The following GALNT10 variants were observed in gnomAD, a reference collection of about 807,000 sequenced individuals.
GALNT10 encodes the protein polypeptide N-acetylgalactosaminyltransferase 10, also known as GalNAc transferase 10.
Under a neutral mutation model 75.0 loss-of-function variants are expected in GALNT10, and 41 were observed. That is an observed-to-expected ratio of 0.55 (90% confidence interval 0.43 to 0.71). The LOEUF is 0.71. Among genes scored for constraint, GALNT10 ranks in the 30% least tolerant of loss-of-function variants. The pLI, the probability that GALNT10 is intolerant of heterozygous loss-of-function variation, is 0.00. For missense variants in GALNT10, 727 were observed against 818.5 expected (o/e 0.89, Z 1.36); for synonymous variants, 302 against 313.0 (o/e 0.96, Z 0.37).
At chr5:154,351,795 A>ATAAAGTCTCAGTT (rs1755207107) in intron 4 of GALNT10, among the ~76,000 whole-genome samples, 1 of 152,220 alleles carries the variant, frequency 6.6e-6, no homozygotes, top group South Asian at 2.1e-4. Flanking sequence ...TGAGACTTTA[A>ATAAAGTCTCAGTT]TAAAGGAAAA....
intron 3 of GALNT10, among the ~76,000 whole-genome samples, chr5:154,309,722 G>C (rs1218978787): frequency 6.6e-6 from 1 of 152,204 alleles, no homozygotes; most frequent in East Asian, 1.9e-4. Flanking sequence ...TGCAGGAATG[G>C]AGATGACTTT....
rs978831362 is a variant in GALNT10, at chr5:154,294,803, G to A, written c.160-13G>A. 72 of 1,421,774 alleles carry A rather than the reference G, an allele frequency of 5.1e-5. No homozygotes were observed. Among genetic ancestry groups the A allele is most frequent in the Non-Finnish European group, 7.0e-5 (70 of 1,005,904 alleles). 88.1% of individuals were successfully genotyped at this position (1,421,774 alleles called of 1,614,324 possible). ...CCCTTTTCTATTTTTCATAGTTTTT[G>A]TCTTTTTTTAAGGGCTCACACAGTC... On this transcript the variant is annotated splice_polypyrimidine_tract_variant and intron_variant, in intron 1 of 11. Coordinates refer to ENST00000297107, the MANE Select transcript of GALNT10 (RefSeq NM_198321.4).
chr5:154,203,237 T>G (rs1476338001), intron 1 of GALNT10, among the ~76,000 whole-genome samples: 3 of 152,168 alleles, frequency 2.0e-5, no homozygotes, highest in African/African-American at 7.2e-5. Context: ...TGTGTGTTTC[T>G]CTGTCTCTCC....
intron 7 of GALNT10, among the ~76,000 whole-genome samples, chr5:154,391,547 C>T (rs1215584844): frequency 6.6e-6 from 1 of 152,240 alleles, no homozygotes; most frequent in African/African-American, 2.4e-5. Flanking sequence ...AAGTCTTTAA[C>T]TCCATAGCCT....
rs775525831 is a variant in GALNT10 at position 154,416,996 on chromosome 5, C to A, written c.*24C>A. On this transcript the variant is annotated 3_prime_UTR_variant, in exon 12 of 12. Transcript: ENST00000297107. The surrounding 1 kb of genome is among the most constrained non-coding windows in gnomAD (Gnocchi z 4.5). ...GAGCCCTCATGTCCCCTTGGCAGGC[C>A]CCCCAGGGTCTGGCACTCACTGCAG... 7 of 1,610,750 alleles carry A rather than the reference C, an allele frequency of 4.3e-6. No homozygotes were observed. The African/African-American group carries it at 9.3e-5, about 22-fold the overall frequency.
At chr5:154,281,107 A>C (rs571960964) in intron 1 of GALNT10, among the ~76,000 whole-genome samples, 2 of 152,294 alleles carry the variant, frequency 1.3e-5, no homozygotes, top group South Asian at 4.1e-4. Context: ...TCTGTTGAAT[A>C]TCAGTTTCTA....
At chr5:154,373,270 T>A (rs1755602518) in intron 4 of GALNT10, among the ~76,000 whole-genome samples, 1 of 152,218 alleles carries the variant, frequency 6.6e-6, no homozygotes. Context: ...TGAGCTAGGT[T>A]ATAATCATGC....
chr5:154,390,136 T>C (rs1755870102), intron 7 of GALNT10, among the ~76,000 whole-genome samples: 1 of 152,202 alleles, frequency 6.6e-6, no homozygotes, highest in South Asian at 2.1e-4. Flanking sequence ...TGAAACAAAG[T>C]GGCAAATGTA....
chr5:154,371,324 T>C (rs1203422899), intron 4 of GALNT10, among the ~76,000 whole-genome samples: 1 of 152,132 alleles, frequency 6.6e-6, no homozygotes, highest in East Asian at 1.9e-4. Context: ...AAGACCCTGT[T>C]TCCAAATAAA....
At chr5:154,198,997 G>A (rs531013917) in intron 1 of GALNT10, among the ~76,000 whole-genome samples, 209 of 152,318 alleles carry the variant, frequency 1.4e-3, no homozygotes, top group African/African-American at 4.8e-3. Context: ...CAGACTGTCT[G>A]CTTCCTAAAG....
At chr5:154,229,018 A>G (rs1237691508) in intron 1 of GALNT10, among the ~76,000 whole-genome samples, 5 of 152,230 alleles carry the variant, frequency 3.3e-5, no homozygotes, top group African/African-American at 1.2e-4. Flanking sequence ...GTATTCTACC[A>G]TACTGCTGGA....
intron 10 of GALNT10, among the ~76,000 whole-genome samples, chr5:154,413,260 C>T (rs992153212): frequency 5.3e-5 from 8 of 152,170 alleles, no homozygotes; most frequent in Admixed American, 1.3e-4. Flanking sequence ...ACAAAAAGTG[C>T]GTTATTGTCT....
chr5:154,198,404 T>C (rs1774978062), intron 1 of GALNT10, among the ~76,000 whole-genome samples: 1 of 152,218 alleles, frequency 6.6e-6, no homozygotes, highest in South Asian at 2.1e-4. Flanking sequence ...GCCTCGCCTA[T>C]GGCAGGGACT....
At chr5:154,296,606 C>G (rs1454769958) in intron 2 of GALNT10, among the ~76,000 whole-genome samples, 4 of 152,076 alleles carry the variant, frequency 2.6e-5, no homozygotes, top group African/African-American at 4.8e-5. Context: ...CACATTGAAC[C>G]TTCTCATTCT....
intron 1 of GALNT10, chr5:154,218,142 A>T (rs1752912635): frequency 1.0e-6 from 1 of 984,880 alleles, no homozygotes; most frequent in Admixed American, 6.2e-5. Flanking sequence ...TGGAGTGGGC[A>T]TTTTCAGGTG....
chr5:154,224,340 C>T (rs1004554141), intron 1 of GALNT10, among the ~76,000 whole-genome samples: 2 of 152,210 alleles, frequency 1.3e-5, no homozygotes, highest in African/African-American at 2.4e-5. Context: ...CCACCTTCCC[C>T]ATTCATCATT....
chr5:154,400,884 T>C (rs1324528403), intron 7 of GALNT10, among the ~76,000 whole-genome samples: 1 of 152,114 alleles, frequency 6.6e-6, no homozygotes, highest in Admixed American at 6.5e-5. Flanking sequence ...TCTGAAGTGA[T>C]GGGCGTGGCC....
chr5:154,328,495 C>T (rs1754791541), intron 3 of GALNT10, among the ~76,000 whole-genome samples: 1 of 152,182 alleles, frequency 6.6e-6, no homozygotes, highest in Admixed American at 6.5e-5. Flanking sequence ...TTCACACATG[C>T]AACACAGAAT....
chr5:154,249,217 C>G lies in GALNT10; in HGVS notation c.160-45599C>G, dbSNP rs1753477917. ...AACACAGATTTCTGGCCCCCATGCC[C>G]AAAGTTGTGATTCAGTAGGCCTGAT... is the stretch of plus-strand genomic sequence containing the variant. On this transcript the variant is annotated intron_variant, in intron 1 of 11. Transcript: ENST00000297107. Among the ~76,000 whole-genome samples the G allele has an allele frequency of 2.6e-5, 4 of 152,156 alleles. No individual in the cohort carries two copies. The South Asian group carries it at 8.3e-4, about 31-fold the overall frequency.
Sources: allele counts gnomAD v4.1 joint callset (sites outside exome capture counted in the v4.1 genomes callset), GRCh38; gene constraint gnomAD v4.1.1; non-coding constraint Gnocchi (gnomAD v3.1); transcripts MANE v1.5; gene names NCBI Gene and HGNC (gene_info 2026-07-23, HGNC 2026-07-21).